ODAD2: variants seen among roughly 807,000 people sequenced by gnomAD.
ODAD2 encodes the protein outer dynein arm-docking complex subunit 2.
In ODAD2, 89 loss-of-function variants were observed where a neutral mutation model predicts 106.8. That is an observed-to-expected ratio of 0.83 (90% confidence interval 0.70 to 0.99). The LOEUF is 0.99. ODAD2 is among the 50% of genes least tolerant of loss of function. ODAD2 has a pLI of 0.00. For missense variants in ODAD2, 1,168 were observed against 1,238.5 expected, an observed-to-expected ratio of 0.94 and a Z score of 0.85; for synonymous variants, 404 against 436.2, an observed-to-expected ratio of 0.93 and a Z score of 0.92.
intron 17 of ODAD2, among the ~76,000 whole-genome samples, chr10:27,905,993 C>G (rs2133844671): frequency 6.6e-6 from 1 of 152,178 alleles, no homozygotes; most frequent in African/African-American, 2.4e-5. Flanking sequence ...AAAGCAATGG[C>G]AACAAAAGCC....
chr10:27,924,022 GAA>G (rs1491199291), intron 16 of ODAD2, among the ~76,000 whole-genome samples: 50 of 132,916 alleles, frequency 3.8e-4, no homozygotes, highest in East Asian at 1.4e-3. Flanking sequence ...AAGAAAGAAA[GAA>G]GGAAAGAGAA....
chr10:27,987,269 G>T, intron 3 of ODAD2, 117 bp downstream of exon 3: 2 of 893,228 alleles, frequency 2.2e-6, no homozygotes, highest in Non-Finnish European at 1.7e-6. Flanking sequence ...TTTTTACCTT[G>T]TAGATTGTAG....
At chr10:27,913,027 A>G (rs929321440) in intron 16 of ODAD2, among the ~76,000 whole-genome samples, 2 of 152,186 alleles carry the variant, frequency 1.3e-5, no homozygotes, top group Non-Finnish European at 2.9e-5. Flanking sequence ...TTTGGAAAGC[A>G]GGAGGATAGC....
At chr10:27,888,286 A>G (rs954858415) in intron 17 of ODAD2, among the ~76,000 whole-genome samples, 4 of 152,162 alleles carry the variant, frequency 2.6e-5, no homozygotes, top group Admixed American at 2.0e-4. Context: ...CCAACAGTGT[A>G]TAAGTGTTCC....
intron 8 of ODAD2, among the ~76,000 whole-genome samples, chr10:27,970,085 C>T (rs1198406874): frequency 6.7e-6 from 1 of 149,092 alleles, no homozygotes; most frequent in Non-Finnish European, 1.5e-5. Context: ...TGGGTGACAG[C>T]GAGATTCTGT....
At chr10:27,960,903 G>A (rs924708082) in intron 10 of ODAD2, among the ~76,000 whole-genome samples, 7 of 152,128 alleles carry the variant, frequency 4.6e-5, no homozygotes, top group Admixed American at 2.6e-4. Flanking sequence ...AATATCTGAC[G>A]TCAGAAATGA....
chr10:27,876,354 A>G (rs975556103), intron 17 of ODAD2, among the ~76,000 whole-genome samples: 8 of 152,172 alleles, frequency 5.3e-5, no homozygotes, highest in African/African-American at 1.9e-4. Flanking sequence ...AAGCCTCCAG[A>G]TGAACGATCA....
chr10:27,817,373 G>C (rs1247770744), intron 19 of ODAD2, among the ~76,000 whole-genome samples: 1 of 152,126 alleles, frequency 6.6e-6, no homozygotes, highest in East Asian at 1.9e-4. Context: ...TATATTTCGA[G>C]GGTACAAGTG....
At chr10:27,850,138 A>G (rs1046977446) in intron 19 of ODAD2, among the ~76,000 whole-genome samples, 2 of 152,158 alleles carry the variant, frequency 1.3e-5, no homozygotes, top group South Asian at 4.1e-4. Flanking sequence ...TCGTCTGCGA[A>G]CTGTGTGTTT....
chr10:27,958,967 C>A (rs1218413846), intron 10 of ODAD2: 2 of 1,303,546 alleles, frequency 1.5e-6, no homozygotes, highest in Non-Finnish European at 2.0e-6. Flanking sequence ...GACTTGTTTC[C>A]TTTTGCTAAT....
At chr10:27,885,509 CAAAAAAAAAAAAAA>C (rs781326915) in intron 17 of ODAD2, among the ~76,000 whole-genome samples, 9 of 19,832 alleles carry the variant, frequency 4.5e-4, no homozygotes, top group East Asian at 1.8e-3. Flanking sequence ...GACTCCATCT[CAAAAAAAAAAAAAA>C]AAAAAAAAAA....
intron 17 of ODAD2, among the ~76,000 whole-genome samples, chr10:27,903,398 G>A (rs966096172): frequency 6.6e-6 from 1 of 152,146 alleles, no homozygotes; most frequent in Non-Finnish European, 1.5e-5. Flanking sequence ...ACAAGACAAG[G>A]ATGCCCTCTC....
At chr10:27,990,732 A>G (rs1850179560) in intron 2 of ODAD2, among the ~76,000 whole-genome samples, 1 of 152,190 alleles carries the variant, frequency 6.6e-6, no homozygotes, top group African/African-American at 2.4e-5. Context: ...GATATCGATC[A>G]CAAAGCTAAG....
At chr10:27,853,446 C>A in intron 19 of ODAD2, 1 of 196,696 alleles carries the variant, frequency 5.1e-6, no homozygotes, top group South Asian at 9.3e-5. Context: ...AGTGAAAAGA[C>A]ACAAATATGA....
rs2132709711 is a variant in ODAD2, at chr10:27,812,623, A to T, written c.3024T>A (p.Leu1008=). ...CAGGGGACCCAACCATATCCAGTAGAAGCTGTCACACATAAGGAGGAGAAG... is the reference window on the plus strand; with the variant it reads ...CAGGGGACCCAACCATATCCAGTAGTAGCTGTCACACATAAGGAGGAGAAG... ...ITMHENGAVK[L]LLDMVGSPDQ... The change falls in exon 20 of 20, where the codon CTT becomes CTA. Residue 1008 remains leucine, a splice_region_variant and synonymous_variant. Coordinates refer to ENST00000305242, the MANE Select transcript of ODAD2 (RefSeq NM_018076.5). 1.3e-6 allele frequency: 2 copies of T among 1,591,114 alleles called. No individual in the cohort carries two copies.
At chr10:27,859,321 T>C (rs1324001592) in intron 19 of ODAD2, among the ~76,000 whole-genome samples, 1 of 152,142 alleles carries the variant, frequency 6.6e-6, no homozygotes, top group Non-Finnish European at 1.5e-5. Context: ...TTACATGCCA[T>C]AAAAACAGAT....
At chr10:27,994,866 T>C (rs1850457110) in intron 2 of ODAD2, 53 bp downstream of exon 2, 1 of 1,586,230 alleles carries the variant, frequency 6.3e-7, no homozygotes, top group Non-Finnish European at 8.6e-7. Flanking sequence ...AACCAATTGA[T>C]AATACTATGT....
At chr10:27,855,596 T>C (rs1404538355) in intron 19 of ODAD2, among the ~76,000 whole-genome samples, 2 of 152,218 alleles carry the variant, frequency 1.3e-5, no homozygotes, top group African/African-American at 2.4e-5. Flanking sequence ...GTGACCTTAG[T>C]ATCTAAAATC....
chr10:27,979,922 A>G (rs573689393), intron 7 of ODAD2, among the ~76,000 whole-genome samples: 1 of 152,198 alleles, frequency 6.6e-6, no homozygotes, highest in Non-Finnish European at 1.5e-5. Flanking sequence ...CTAAAAAACA[A>G]AAACAAAGTT....
Sources: gnomAD v4.1 joint callset for allele counts (sites outside exome capture counted in the v4.1 genomes callset) on GRCh38, gnomAD v4.1.1 for gene constraint, MANE v1.5 for transcripts, NCBI Gene and HGNC (gene_info 2026-07-23, HGNC 2026-07-21) for gene names.